The following TNR variants were observed in gnomAD, a reference collection of about 807,000 sequenced individuals.
TNR encodes the protein tenascin R.
In TNR, 45 loss-of-function variants were observed where a neutral mutation model predicts 150.4. The observed-to-expected ratio is 0.30, with a 90% confidence interval of 0.24 to 0.38. TNR has a LOEUF of 0.38. Ranked by LOEUF, TNR falls within the 10% of genes least tolerant of loss-of-function variation. TNR has a pLI of 1.00. For missense variants in TNR, 1,544 were observed against 1,759.1 expected, an observed-to-expected ratio of 0.88 and a Z score of 2.19; for synonymous variants, 687 against 678.4, an observed-to-expected ratio of 1.01 and a Z score of -0.20.
intron 1 of TNR, among the ~76,000 whole-genome samples, chr1:175,681,496 G>A (rs1666032953): frequency 6.6e-6 from 1 of 152,208 alleles, no homozygotes; most frequent in South Asian, 2.1e-4. Context: ...ATAGGGAGGT[G>A]CTGCGACTTG....
chr1:175,603,989 C>T (rs1214238111), intron 1 of TNR, among the ~76,000 whole-genome samples: 1 of 152,070 alleles, frequency 6.6e-6, no homozygotes, highest in Admixed American at 6.5e-5. Flanking sequence ...AATTTTTAAC[C>T]CTTGCTGTGG....
intron 2 of TNR, among the ~76,000 whole-genome samples, chr1:175,453,802 G>A (rs1488824912): frequency 6.6e-6 from 1 of 152,126 alleles, no homozygotes; most frequent in Non-Finnish European, 1.5e-5. Flanking sequence ...CGAATTCCTG[G>A]CTTCAAGTGA....
chr1:175,716,900 T>C (rs1023981691), intron 1 of TNR, among the ~76,000 whole-genome samples: 1 of 152,178 alleles, frequency 6.6e-6, no homozygotes, highest in Admixed American at 6.5e-5. Flanking sequence ...CTAGGATGAC[T>C]TCCACTTCTC....
At chr1:175,391,055 G>A (rs997104594) in intron 7 of TNR, among the ~76,000 whole-genome samples, 1 of 152,134 alleles carries the variant, frequency 6.6e-6, no homozygotes, top group African/African-American at 2.4e-5. Flanking sequence ...TATTAAAAAA[G>A]AATTGTCTCC....
chr1:175,655,823 G>A (rs577124143), intron 1 of TNR, among the ~76,000 whole-genome samples: 2 of 152,308 alleles, frequency 1.3e-5, no homozygotes, highest in African/African-American at 4.8e-5. Flanking sequence ...TCAGAGAGAG[G>A]TTTGTCACCC....
intron 2 of TNR, among the ~76,000 whole-genome samples, chr1:175,411,979 G>A (rs1252573418): frequency 1.3e-5 from 2 of 152,054 alleles, no homozygotes; most frequent in Non-Finnish European, 1.5e-5. Context: ...GATATTTAGC[G>A]ATTGTTATGG....
At chr1:175,589,397 ATAAT>A (rs967121253) in intron 1 of TNR, among the ~76,000 whole-genome samples, 2 of 152,190 alleles carry the variant, frequency 1.3e-5, no homozygotes, top group African/African-American at 4.8e-5. Context: ...GACACTTTGG[ATAAT>A]TAGAGGTTTA....
chr1:175,485,213 C>CA (rs1409792643), intron 2 of TNR, among the ~76,000 whole-genome samples: 1 of 152,094 alleles, frequency 6.6e-6, no homozygotes, highest in African/African-American at 2.4e-5. Flanking sequence ...GCTGGCCAAC[C>CA]AAAAAATCTC....
chr1:175,390,922 C>T (rs1279948600), intron 7 of TNR, among the ~76,000 whole-genome samples: 1 of 152,232 alleles, frequency 6.6e-6, no homozygotes, highest in Non-Finnish European at 1.5e-5. Context: ...GTTCAGATGA[C>T]TTTCTCCAAA....
intron 1 of TNR, among the ~76,000 whole-genome samples, chr1:175,534,110 A>G (rs936935514): frequency 1.2e-4 from 19 of 152,182 alleles, no homozygotes; most frequent in African/African-American, 4.3e-4. Flanking sequence ...GCAAATCCCT[A>G]ACTTATGTTG....
intron 20 of TNR, among the ~76,000 whole-genome samples, chr1:175,330,838 T>A (rs1197697740): frequency 6.6e-6 from 1 of 152,196 alleles, no homozygotes; most frequent in African/African-American, 2.4e-5. Context: ...CCTGCTACAT[T>A]TGCACTGCTA....
chr1:175,516,342 T>A (rs1204158722), intron 2 of TNR, among the ~76,000 whole-genome samples: 1 of 152,174 alleles, frequency 6.6e-6, no homozygotes, highest in Non-Finnish European at 1.5e-5. Flanking sequence ...GCAAGGTACC[T>A]GGAAGGTTAA....
intron 21 of TNR, among the ~76,000 whole-genome samples, 170 bp from the exon 22 acceptor site, chr1:175,324,689 G>A (rs999378753): frequency 9.9e-5 from 15 of 151,964 alleles, no homozygotes; most frequent in African/African-American, 3.1e-4. Flanking sequence ...CTTACCCCTG[G>A]GGCCAACCAC....
intron 2 of TNR, among the ~76,000 whole-genome samples, chr1:175,418,569 A>G (rs1479889736): frequency 6.6e-6 from 1 of 152,302 alleles, no homozygotes; most frequent in African/African-American, 2.4e-5. Context: ...TAAGAATACA[A>G]AAATTAGTTG....
intron 2 of TNR, among the ~76,000 whole-genome samples, chr1:175,461,984 G>A (rs966107913): frequency 1.3e-5 from 2 of 152,162 alleles, no homozygotes; most frequent in African/African-American, 2.4e-5. Flanking sequence ...TGCAACCCTG[G>A]TTTCCAGATT....
chr1:175,375,963 T>C (rs1652357989), intron 9 of TNR, among the ~76,000 whole-genome samples: 1 of 152,138 alleles, frequency 6.6e-6, no homozygotes, highest in African/African-American at 2.4e-5. Context: ...TGCAGGAAAT[T>C]TAAGAAATTT....
rs3030868 is a variant in TNR at position 175,320,697 on chromosome 1, C to CGTGTGTGTGTGTGTGTGTGTGTGTGT, written c.*2634_*2659dup. On this transcript the variant is annotated 3_prime_UTR_variant, in exon 23 of 23. Coordinates refer to ENST00000367674, the MANE Select transcript of TNR (RefSeq NM_003285.3). The stretch of plus-strand genomic sequence containing the variant: ...GGCATGATCTTTTCTGCAGTATTTT[C>CGTGTGTGTGTGTGTGTGTGTGTGTGT]GTGTGTGTGTGTGTGTGTGTGTGTG... 18 of 146,426 alleles carry CGTGTGTGTGTGTGTGTGTGTGTGTGT rather than the reference C, an allele frequency of 1.2e-4. No homozygotes were observed. The highest frequency in any genetic ancestry group is 4.3e-4 in the African/African-American group (17 of 39,218). The allele number at this position is 146,426 out of a possible 1,614,324, so 9.1% of individuals were successfully genotyped here.
At chr1:175,547,672 A>G (rs575289634) in intron 1 of TNR, among the ~76,000 whole-genome samples, 2 of 150,208 alleles carry the variant, frequency 1.3e-5, no homozygotes, top group African/African-American at 5.0e-5. Context: ...GAAAGAAAGA[A>G]AGAGAGAGAG....
intron 20 of TNR, among the ~76,000 whole-genome samples, chr1:175,333,050 A>T (rs1382295030): frequency 6.6e-6 from 1 of 152,240 alleles, no homozygotes; most frequent in African/African-American, 2.4e-5. Flanking sequence ...TTTGTTTAGC[A>T]TGAAAAGCAT....
Sources: allele counts gnomAD v4.1 joint callset (sites outside exome capture counted in the v4.1 genomes callset), GRCh38; gene constraint gnomAD v4.1.1; transcripts MANE v1.5; gene names NCBI Gene and HGNC (gene_info 2026-07-23, HGNC 2026-07-21).